The following TTC28 variants were observed in gnomAD, a reference collection of about 807,000 sequenced individuals.
The protein encoded by TTC28 is tetratricopeptide repeat protein 28.
In TTC28, 61 loss-of-function variants were observed where a neutral mutation model predicts 198.0. That is an observed-to-expected ratio of 0.31 (90% CI 0.25 to 0.38). The LOEUF is 0.38. Ranked by LOEUF, TTC28 falls within the 10% of genes least tolerant of loss-of-function variation. The pLI is 1.00. For missense variants in TTC28, 2,678 were observed against 3,164.0 expected (o/e 0.85, Z 3.69); for synonymous variants, 1,171 against 1,297.8 (o/e 0.90, Z 2.10).
At chr22:28,138,494 C>T (rs1261313683) in intron 6 of TTC28, among the ~76,000 whole-genome samples, 1 of 152,208 alleles carries the variant, frequency 6.6e-6, no homozygotes, top group Non-Finnish European at 1.5e-5. Flanking sequence ...ATCTTTTCTT[C>T]TACCCAGTAT....
At chr22:27,999,457 G>A in intron 15 of TTC28, 197 bp from the exon 16 acceptor site, 1 of 780,098 alleles carries the variant, frequency 1.3e-6, no homozygotes, top group Non-Finnish European at 2.0e-6. Flanking sequence ...AATCATGCCT[G>A]CTGTGATGAG....
intron 2 of TTC28, among the ~76,000 whole-genome samples, chr22:28,428,118 C>A (rs1170103223): frequency 1.4e-5 from 2 of 147,002 alleles, no homozygotes. Flanking sequence ...AACATCGTAC[C>A]GTAAGACAAA....
At chr22:28,452,529 A>T (rs1414034547) in intron 2 of TTC28, among the ~76,000 whole-genome samples, 6 of 152,004 alleles carry the variant, frequency 3.9e-5, no homozygotes, top group Admixed American at 3.9e-4. Context: ...AGGATAAAAT[A>T]TTCTTGAAGT....
chr22:27,992,848 G>A (rs570025389), intron 18 of TTC28, 185 bp from the exon 19 acceptor site: 2 of 640,676 alleles, frequency 3.1e-6, no homozygotes, highest in African/African-American at 3.7e-5. Context: ...CAGGAAGGTG[G>A]GTGGAAGTGG....
chr22:28,055,686 A>G (rs1940259382), intron 12 of TTC28, among the ~76,000 whole-genome samples: 1 of 152,190 alleles, frequency 6.6e-6, no homozygotes, highest in Non-Finnish European at 1.5e-5. Flanking sequence ...CTTGTCCCAA[A>G]TGACATAGCT....
intron 5 of TTC28, among the ~76,000 whole-genome samples, chr22:28,169,901 C>A (rs2147078653): frequency 1.3e-5 from 2 of 151,886 alleles, no homozygotes; most frequent in South Asian, 4.2e-4. Context: ...GCACATCATA[C>A]TCTTAAAAAA....
intron 2 of TTC28, among the ~76,000 whole-genome samples, chr22:28,437,573 AT>A (rs545606407): frequency 6.6e-6 from 1 of 151,574 alleles, no homozygotes; most frequent in Non-Finnish European, 1.5e-5. Context: ...ACAGATATGC[AT>A]TTTTTTTGTT....
intron 5 of TTC28, among the ~76,000 whole-genome samples, chr22:28,287,600 T>A (rs1273061521): frequency 6.6e-6 from 1 of 152,038 alleles, no homozygotes; most frequent in East Asian, 1.9e-4. Context: ...AGAGCAAAGG[T>A]ACAGAAGGGT....
intron 8 of TTC28, 91 bp downstream of exon 8, chr22:28,105,188 A>G: frequency 7.2e-7 from 1 of 1,396,206 alleles, no homozygotes; most frequent in Non-Finnish European, 9.7e-7. Flanking sequence ...GTGGCCATTC[A>G]AACTGTGCAT....
intron 6 of TTC28, among the ~76,000 whole-genome samples, chr22:28,128,769 G>T (rs1402243829): frequency 6.6e-6 from 1 of 151,976 alleles, no homozygotes; most frequent in East Asian, 1.9e-4. Flanking sequence ...CAAACTACTG[G>T]GCTCAAGCAA....
rs557111606 is a variant in TTC28, at chr22:28,036,767, G to A, written c.3933-6401C>T. Among the ~76,000 whole-genome samples the A allele has an allele frequency of 7.9e-5, 12 of 152,150 alleles. No homozygotes were observed. The South Asian group carries it at 1.7e-3, about 21-fold the overall frequency. Reference sequence around the variant, plus strand: ...GAAGGATCAACAAAATTGACAGACCGCTAGCAAGACTAATAAAGAAGAAAA... The same window carrying A: ...GAAGGATCAACAAAATTGACAGACCACTAGCAAGACTAATAAAGAAGAAAA... On this transcript the variant is annotated intron_variant, in intron 12 of 22. Coordinates refer to ENST00000397906, the MANE Select transcript of TTC28 (RefSeq NM_001145418.2).
At chr22:28,149,833 C>T (rs1238268517) in intron 6 of TTC28, among the ~76,000 whole-genome samples, 1 of 152,130 alleles carries the variant, frequency 6.6e-6, no homozygotes, top group East Asian at 1.9e-4. Flanking sequence ...ATCTGTTGCA[C>T]AGCATGGTGA....
At chr22:28,509,784 G>A in intron 2 of TTC28, among the ~76,000 whole-genome samples, 1 of 151,200 alleles carries the variant, frequency 6.6e-6, no homozygotes, top group East Asian at 1.9e-4. Context: ...ATGACCGAAA[G>A]CTAGATTAAT....
At chr22:28,374,739 T>C (rs1038479275) in intron 2 of TTC28, among the ~76,000 whole-genome samples, 6 of 152,210 alleles carry the variant, frequency 3.9e-5, no homozygotes, top group Admixed American at 1.3e-4. Context: ...TGGAGTGCAG[T>C]GGCACGATCT....
At chr22:28,660,810 C>T (rs931192365) in intron 1 of TTC28, among the ~76,000 whole-genome samples, 3 of 151,550 alleles carry the variant, frequency 2.0e-5, no homozygotes, top group Non-Finnish European at 4.4e-5. Context: ...AGGCATGAGC[C>T]ACCGCGGCTG....
intron 2 of TTC28, among the ~76,000 whole-genome samples, chr22:28,351,802 A>G (rs1389880222): frequency 4.6e-5 from 7 of 152,206 alleles, no homozygotes; most frequent in Non-Finnish European, 8.8e-5. Flanking sequence ...CTTTAAAGAT[A>G]AGGAGGAGAA....
chr22:28,585,860 G>C (rs2050307508), intron 2 of TTC28, among the ~76,000 whole-genome samples: 1 of 152,018 alleles, frequency 6.6e-6, no homozygotes, highest in African/African-American at 2.4e-5. Flanking sequence ...ATAGCATTAG[G>C]AGAAATACCT....
intron 5 of TTC28, among the ~76,000 whole-genome samples, chr22:28,216,776 C>T (rs927731861): frequency 6.6e-6 from 1 of 152,116 alleles, no homozygotes; most frequent in Non-Finnish European, 1.5e-5. Flanking sequence ...GACTGAAGTA[C>T]AGTGGTGTGA....
At chr22:28,045,896 G>A (rs750006147) in intron 12 of TTC28, among the ~76,000 whole-genome samples, 66 of 152,132 alleles carry the variant, frequency 4.3e-4, no homozygotes, top group Non-Finnish European at 8.7e-4. Context: ...TGCAGGAGGC[G>A]GAGCTGGAAG....
Sources: gnomAD v4.1 joint callset for allele counts (sites outside exome capture counted in the v4.1 genomes callset) on GRCh38, gnomAD v4.1.1 for gene constraint, MANE v1.5 for transcripts, NCBI Gene and HGNC (gene_info 2026-07-23, HGNC 2026-07-21) for gene names.